ILDR1: variants seen among roughly 807,000 people sequenced by gnomAD.
ILDR1 encodes the protein immunoglobulin-like domain-containing receptor 1.
In ILDR1, 56 loss-of-function variants were observed where a neutral mutation model predicts 62.4. The ratio of observed to expected loss-of-function variants is 0.90; its 90% confidence interval spans 0.72 to 1.12. The LOEUF is 1.12. Among genes scored for constraint, ILDR1 ranks in the 50% most tolerant of loss-of-function variants. ILDR1 has a pLI of 0.00. For synonymous variants in ILDR1, 284 were observed against 277.8 expected (o/e 1.02, Z -0.22); for missense variants, 736 against 710.6 (o/e 1.04, Z -0.41).
At chr3:122,017,130 C>T (rs1307964800) in intron 1 of ILDR1, among the ~76,000 whole-genome samples, 3 of 152,076 alleles carry the variant, frequency 2.0e-5, no homozygotes, top group Non-Finnish European at 4.4e-5. Context: ...TCACTGCAAC[C>T]TCCGCCCCAC....
intron 1 of ILDR1, among the ~76,000 whole-genome samples, chr3:122,014,930 C>G (rs190921272): frequency 6.6e-6 from 1 of 152,200 alleles, no homozygotes; most frequent in Non-Finnish European, 1.5e-5. Flanking sequence ...TCTCCACACA[C>G]TAATCTCAGA....
intron 1 of ILDR1, among the ~76,000 whole-genome samples, chr3:122,016,853 T>C (rs979740623): frequency 3.3e-5 from 5 of 152,148 alleles, no homozygotes; most frequent in African/African-American, 1.2e-4. Flanking sequence ...TAGGCTAGTA[T>C]AAGAATTGTC....
rs976614216 is a variant in ILDR1, at chr3:121,994,442, G to A, written c.647-129C>T. On this transcript the variant is annotated intron_variant, in intron 5 of 7. Transcript: ENST00000344209. ...TTGTCCATTCTCACCTATTTTGCATGGGAGTAAGGGTTAAGGGGGTAGTAA... is the reference window on the plus strand; with the variant it reads ...TTGTCCATTCTCACCTATTTTGCATAGGAGTAAGGGTTAAGGGGGTAGTAA... 3.3e-5 allele frequency: 36 copies of A among 1,100,654 alleles called. No homozygotes were observed. In the South Asian group the frequency reaches 5.1e-4, roughly 15 times the overall value. 68.2% of individuals were successfully genotyped at this position (1,100,654 alleles called of 1,614,324 possible).
chr3:121,993,417 C>T lies in ILDR1; in HGVS notation c.1332G>A (p.Gln444=). The T allele has an allele frequency of 6.2e-7, 1 of 1,613,942 alleles. No individual in the cohort carries two copies. ...PSHPPFRSRC[Q]ERPRRPSPRE... is the part of the protein sequence containing the mutation. ...GGGGGCTGGGCCTGCGGGGCCTCTC[C>T]TGACAGCGGCTCCTGAAAGGAGGGT... Residue 444 remains glutamine, a synonymous_variant, in exon 7 of 8, where the codon CAG becomes CAA. Coordinates refer to ENST00000344209, the MANE Select transcript of ILDR1 (RefSeq NM_001199799.2).
chr3:121,993,971 C>A lies in ILDR1; in HGVS notation c.779-1G>T. 6.2e-7 allele frequency: 1 copy of A among 1,607,974 alleles called. No individual in the cohort carries two copies. Among genetic ancestry groups the A allele is most frequent in the Non-Finnish European group, 8.5e-7 (1 of 1,179,814 alleles). On this transcript the variant is annotated splice_acceptor_variant, in intron 6 of 7. Coordinates refer to ENST00000344209, the MANE Select transcript of ILDR1 (RefSeq NM_001199799.2). LOFTEE classifies it high-confidence loss of function. Reference sequence around the variant, plus strand: ...GGGAGGCTGGACGGCAGGGACAAATCTGAATGGAAACAAGGACAGGACAAT... The same window carrying A: ...GGGAGGCTGGACGGCAGGGACAAATATGAATGGAAACAAGGACAGGACAAT...
At position 121,993,474 on chromosome 3, in the gene ILDR1, G is replaced by A; in HGVS notation, c.1275C>T (p.Pro425=). The change falls in exon 7 of 8, where the codon CCC becomes CCT. Residue 425 remains proline, a synonymous_variant. Transcript: ENST00000344209. ...WSDRDSLSDV[P]SSSEARWRPS... ...GCCGCCAGCGTGCCTCACTGGATGA[G>A]GGGACATCGCTTAGGCTGTCCCTGT... 2 of 1,614,226 alleles carry A rather than the reference G, an allele frequency of 1.2e-6. No homozygotes were observed. The highest frequency in any genetic ancestry group is 1.7e-6 in the Non-Finnish European group (2 of 1,180,050).
chr3:122,001,102 G>T (rs925850587), intron 5 of ILDR1, among the ~76,000 whole-genome samples: 2 of 152,210 alleles, frequency 1.3e-5, no homozygotes, highest in East Asian at 3.8e-4. Context: ...AGCCTGAGGA[G>T]TGGACAGGCA....
At chr3:122,034,970 C>T in the ILDR1 span, among the ~76,000 whole-genome samples, 8 of 152,316 alleles carry the variant, frequency 5.3e-5, no homozygotes, top group South Asian at 1.2e-3. Flanking sequence ...GTCCCTCCCA[C>T]AACGTGTGGG....
rs192217145 is a variant in ILDR1, at chr3:122,006,682, A to C, written c.229+309T>G. 3.9e-5 allele frequency among the ~76,000 whole-genome samples: 6 copies of C among 152,330 alleles called. No homozygotes were observed. The East Asian group carries it at 9.6e-4, about 24-fold the overall frequency. On this transcript the variant is annotated intron_variant, in intron 2 of 7. Coordinates refer to ENST00000344209, the MANE Select transcript of ILDR1 (RefSeq NM_001199799.2). ...GGCGGGCCTGCATCATCAGCTCAGC[A>C]CATTGGCATGGAACCAGGAATGGAC... is the stretch of plus-strand genomic sequence containing the variant.
chr3:122,007,594 T>G (rs1430077920), intron 1 of ILDR1, among the ~76,000 whole-genome samples: 1 of 152,224 alleles, frequency 6.6e-6, no homozygotes, highest in Non-Finnish European at 1.5e-5. Flanking sequence ...TAGGTCAGCC[T>G]ACTGCCCTTC....
chr3:122,022,352 T>G, upstream of ILDR1: 2 of 367,342 alleles, frequency 5.4e-6, no homozygotes, highest in African/African-American at 2.3e-5. Context: ...CCACCTTCCC[T>G]ACCTGCTGCC....
chr3:122,014,729 C>T (rs1300264367), intron 1 of ILDR1, among the ~76,000 whole-genome samples: 1 of 152,174 alleles, frequency 6.6e-6, no homozygotes, highest in Non-Finnish European at 1.5e-5. Context: ...CCATGTTTCA[C>T]CACAACCTAT....
chr3:122,000,227 T>C (rs2071497625), intron 5 of ILDR1, among the ~76,000 whole-genome samples: 1 of 142,164 alleles, frequency 7.0e-6, no homozygotes, highest in African/African-American at 2.6e-5. Context: ...AAAACGGAGA[T>C]GGCAGCCAAA....
intron 5 of ILDR1, among the ~76,000 whole-genome samples, chr3:121,995,841 G>A (rs1182698444): frequency 6.6e-6 from 1 of 152,228 alleles, no homozygotes; most frequent in East Asian, 1.9e-4. Flanking sequence ...CAATGAGGAA[G>A]CTGGGCTCAG....
chr3:122,031,571 G>A, the ILDR1 span, among the ~76,000 whole-genome samples: 3 of 152,164 alleles, frequency 2.0e-5, no homozygotes, highest in South Asian at 4.1e-4. Flanking sequence ...GGATCTTTGG[G>A]AAGTGATTAG....
chr3:122,003,470 T>C (rs913828547), intron 3 of ILDR1, among the ~76,000 whole-genome samples: 4 of 152,216 alleles, frequency 2.6e-5, no homozygotes, highest in Non-Finnish European at 4.4e-5. Flanking sequence ...ATGATGTGTA[T>C]TGTAAATCTG....
At position 122,007,243 on chromosome 3, in the gene ILDR1, T is replaced by C. The variant is rs535244624; in HGVS notation, c.59-82A>G. 67 of 1,597,762 alleles carry C rather than the reference T, an allele frequency of 4.2e-5. No individual in the cohort carries two copies. In the African/African-American group the frequency reaches 7.8e-4, roughly 19 times the overall value. On this transcript the variant is annotated intron_variant, in intron 1 of 7. Transcript: ENST00000344209. ...AAAAACAATGCAAATGGGCAAAAGA[T>C]ATTGCCTGCCATCCTGCCTGACCTG...
the ILDR1 span, among the ~76,000 whole-genome samples, chr3:122,045,026 A>T: frequency 1.3e-5 from 2 of 151,226 alleles, no homozygotes; most frequent in African/African-American, 4.9e-5. Flanking sequence ...TCAATTTTGG[A>T]TGTTTCCTGC....
Position 121,988,268 on chromosome 3 carries a change from A to T in ILDR1, c.*99T>A, listed in dbSNP as rs748223411. 4.2e-6 allele frequency: 4 copies of T among 960,488 alleles called. No homozygotes were observed. The highest frequency in any genetic ancestry group is 5.1e-6 in the Non-Finnish European group (3 of 585,392). The allele number at this position is 960,488 out of a possible 1,614,324, so 59.5% of individuals were successfully genotyped here. A position where few individuals can be genotyped will look rare whatever the true frequency, so the allele number is the denominator to read the frequency against. ...CAGAATCTAAGCCAAAAACTGTTAG[A>T]CTCAGACTTGCAGTTCCCAAGTCAG... On this transcript the variant is annotated 3_prime_UTR_variant, in exon 8 of 8. Transcript: ENST00000344209.
Sources: gnomAD v4.1 joint callset for allele counts (sites outside exome capture counted in the v4.1 genomes callset) on GRCh38, gnomAD v4.1.1 for gene constraint, MANE v1.5 for transcripts, NCBI Gene and HGNC (gene_info 2026-07-23, HGNC 2026-07-21) for gene names.